The following HERC6 variants were observed in gnomAD, a reference collection of about 807,000 sequenced individuals.
HERC6 encodes probable E3 ubiquitin-protein ligase HERC6.
Under a neutral mutation model 114.5 loss-of-function variants are expected in HERC6, and 101 were observed. The observed-to-expected ratio is 0.88, with a 90% CI of 0.75 to 1.04. The LOEUF (loss-of-function observed/expected upper bound fraction) is 1.04. Ranked by LOEUF, HERC6 falls within the 50% of genes least tolerant of loss-of-function variation. The pLI is 0.00. For missense variants in HERC6, 1,133 were observed against 1,230.9 expected, an observed-to-expected ratio of 0.92 and a Z score of 1.19; for synonymous variants, 408 against 436.2, an observed-to-expected ratio of 0.94 and a Z score of 0.81.
chr4:88,383,915 T>G (rs750430451), intron 2 of HERC6, among the ~76,000 whole-genome samples: 5 of 152,080 alleles, frequency 3.3e-5, no homozygotes, highest in African/African-American at 4.8e-5. Flanking sequence ...ATGTGACCCT[T>G]TGATCTTAAT....
chr4:88,390,758 C>T lies in HERC6; in HGVS notation c.543C>T (p.Ile181=), dbSNP rs201544500. Residue 181 remains isoleucine, a synonymous_variant, in exon 4 of 23, where the codon ATC becomes ATT. Coordinates refer to ENST00000264346, the MANE Select transcript of HERC6 (RefSeq NM_017912.4). The part of the protein sequence containing the change: ...SPQRVRSLEG[I]PLAQVAAGGA... ...AGAGGGTGAGGTCCCTGGAGGGGATCCCACTGGCTCAGGTGGCTGCCGGAG... is the reference window on the plus strand; with the variant it reads ...AGAGGGTGAGGTCCCTGGAGGGGATTCCACTGGCTCAGGTGGCTGCCGGAG... 5.6e-6 allele frequency: 9 copies of T among 1,614,162 alleles called. No individual in the cohort carries two copies. Among genetic ancestry groups the T allele is most frequent in the Middle Eastern group, 1.7e-4 (1 of 6,058 alleles).
At chr4:88,412,242 C>T (rs1394325889) in intron 11 of HERC6, among the ~76,000 whole-genome samples, 1 of 152,152 alleles carries the variant, frequency 6.6e-6, no homozygotes, top group Non-Finnish European at 1.5e-5. Flanking sequence ...AATGAATGTT[C>T]AAACAAATAT....
rs559360357 is a variant in HERC6 at position 88,426,480 on chromosome 4, T to C, written c.1935+1778T>C. On this transcript the variant is annotated intron_variant, in intron 15 of 22. Coordinates refer to ENST00000264346, the MANE Select transcript of HERC6 (RefSeq NM_017912.4). Reference sequence around the variant, plus strand: ...ACCGCACCCGGCTTATTATTATTATTATCATCATCATCATCTTAAGACAGA... The same window carrying C: ...ACCGCACCCGGCTTATTATTATTATCATCATCATCATCATCTTAAGACAGA... Among the ~76,000 whole-genome samples, 40 of 146,150 alleles carry C rather than the reference T, an allele frequency of 2.7e-4. 1 individual carries two copies. Among genetic ancestry groups the C allele is most frequent in the Middle Eastern group, 3.8e-3 (1 of 264 alleles).
chr4:88,415,059 C>T (rs1211735807), intron 12 of HERC6, among the ~76,000 whole-genome samples: 1 of 152,116 alleles, frequency 6.6e-6, no homozygotes, highest in African/African-American at 2.4e-5. Flanking sequence ...AGGATATGTA[C>T]AATGAAATGT....
intron 20 of HERC6, 98 bp from the exon 21 acceptor site, chr4:88,439,776 T>G: frequency 8.5e-7 from 1 of 1,175,916 alleles, no homozygotes; most frequent in Non-Finnish European, 1.1e-6. Flanking sequence ...TACTTTTCCT[T>G]CTCAATAGAA....
intron 18 of HERC6, among the ~76,000 whole-genome samples, chr4:88,436,360 T>A (rs1210518826): frequency 6.6e-6 from 1 of 152,198 alleles, no homozygotes; most frequent in Admixed American, 6.5e-5. Flanking sequence ...CTTACAGTGT[T>A]GGCAAAAAAT....
At position 88,439,858 on chromosome 4, in the gene HERC6, T is replaced by TTG; in HGVS notation, c.2556-15_2556-14insGT. 1.5e-6 allele frequency: 2 copies of TTG among 1,333,104 alleles called. No homozygotes were observed. Among genetic ancestry groups the TTG allele is most frequent in the Admixed American group, 3.5e-5 (1 of 28,752 alleles). The allele number at this position is 1,333,104 out of a possible 1,614,324, so 82.6% of individuals were successfully genotyped here. ...CCTTCCTTTCTTTTTTTTTTTTTTT[T>TTG]TTTGCTTCCCTCAAGGAGAGACTAT... On this transcript the variant is annotated splice_polypyrimidine_tract_variant and intron_variant, in intron 20 of 22. Coordinates refer to ENST00000264346, the MANE Select transcript of HERC6 (RefSeq NM_017912.4).
chr4:88,432,687 C>T (rs375658350), intron 17 of HERC6, among the ~76,000 whole-genome samples: 1 of 151,248 alleles, frequency 6.6e-6, no homozygotes, highest in Non-Finnish European at 1.5e-5. Context: ...TGAGATTGCG[C>T]CATAGCACCC....
chr4:88,388,379 C>T lies in HERC6; in HGVS notation c.437-2273C>T, dbSNP rs566063991. ...CAGCCTGGCCAACATGAGGAAACCC[C>T]GTCTCTACTAAAAATACAAAAATTA... is the stretch of plus-strand genomic sequence containing the variant. On this transcript the variant is annotated intron_variant, in intron 3 of 22. Transcript: ENST00000264346. 3.9e-5 allele frequency among the ~76,000 whole-genome samples: 6 copies of T among 151,978 alleles called. No homozygotes were observed. In the East Asian group the frequency reaches 5.8e-4, roughly 15 times the overall value.
intron 17 of HERC6, among the ~76,000 whole-genome samples, chr4:88,434,204 G>A (rs1738518935): frequency 6.6e-6 from 1 of 152,184 alleles, no homozygotes; most frequent in African/African-American, 2.4e-5. Flanking sequence ...CACTGATGTG[G>A]GATCAGAAGC....
chr4:88,391,612 A>G (rs1359230517), intron 4 of HERC6, among the ~76,000 whole-genome samples: 1 of 152,248 alleles, frequency 6.6e-6, no homozygotes, highest in Non-Finnish European at 1.5e-5. Context: ...ACCCAGAAGC[A>G]TCCATCGTCA....
chr4:88,395,837 A>G (rs1735197460), intron 5 of HERC6, among the ~76,000 whole-genome samples, 178 bp from the exon 6 acceptor site: 2 of 152,160 alleles, frequency 1.3e-5, no homozygotes, highest in Admixed American at 6.6e-5. Flanking sequence ...GTGATTTTTC[A>G]TGTTTAATGT....
At chr4:88,431,379 A>G (rs1255673027) in intron 17 of HERC6, 74 bp downstream of exon 17, 10 of 1,458,430 alleles carry the variant, frequency 6.9e-6, no homozygotes, top group Non-Finnish European at 9.2e-6. Flanking sequence ...AACACCATAG[A>G]TAGTGGTGTA....
intron 7 of HERC6, among the ~76,000 whole-genome samples, chr4:88,397,382 G>A (rs1409830806): frequency 6.6e-6 from 1 of 151,918 alleles, no homozygotes; most frequent in Non-Finnish European, 1.5e-5. Flanking sequence ...AAAGTGCTGG[G>A]ATTACAGGCA....
intron 20 of HERC6, 64 bp downstream of exon 20, chr4:88,437,845 T>C: frequency 8.8e-7 from 1 of 1,131,066 alleles, no homozygotes; most frequent in South Asian, 1.4e-5. Flanking sequence ...GTATCACTAT[T>C]CTTTTAAAAT....
At chr4:88,436,647 A>G (rs1327304279) in intron 18 of HERC6, among the ~76,000 whole-genome samples, 1 of 152,216 alleles carries the variant, frequency 6.6e-6, no homozygotes, top group Non-Finnish European at 1.5e-5. Context: ...CCTGATTCAG[A>G]ATCACTGTCT....
Position 88,396,911 on chromosome 4 carries a change from A to T in HERC6, c.948A>T (p.Pro316=). Residue 316 remains proline (P), a synonymous_variant, in exon 7 of 23, where the codon CCA becomes CCT. Coordinates refer to ENST00000264346, the MANE Select transcript of HERC6 (RefSeq NM_017912.4). ...AGGTGGTATCTTTTGGTCATGGACCAAGTGACACAAGCAAGCCAACTCATC... is the reference window on the plus strand; with the variant it reads ...AGGTGGTATCTTTTGGTCATGGACCTAGTGACACAAGCAAGCCAACTCATC... The part of the protein sequence containing the change: ...TGQVVSFGHG[P]SDTSKPTHPE... 6.2e-7 allele frequency: 1 copy of T among 1,611,454 alleles called. No individual in the cohort carries two copies. The highest frequency in any genetic ancestry group is 8.5e-7 in the Non-Finnish European group (1 of 1,178,278).
At chr4:88,404,042 G>A (rs76830407) in intron 8 of HERC6, among the ~76,000 whole-genome samples, 4,482 of 152,110 alleles carry the variant, frequency 0.029, 221 homozygotes, top group African/African-American at 0.1. Context: ...TTTAGGTAAT[G>A]TTGAATCTAC....
chr4:88,402,308 G>A (rs565276234), intron 8 of HERC6, among the ~76,000 whole-genome samples: 8 of 152,298 alleles, frequency 5.3e-5, no homozygotes, highest in African/African-American at 1.7e-4. Context: ...TCATGCTCCG[G>A]GAAATATTTG....
Sources: gnomAD v4.1 joint callset for allele counts (sites outside exome capture counted in the v4.1 genomes callset) on GRCh38, gnomAD v4.1.1 for gene constraint, MANE v1.5 for transcripts, NCBI Gene and HGNC (gene_info 2026-07-23, HGNC 2026-07-21) for gene names.